Variants in AFF2 observed in about 807,000 individuals in gnomAD.
AFF2 encodes the protein ALF transcription elongation factor 2.
In AFF2, 14 loss-of-function variants were observed where a neutral mutation model predicts 76.9. The observed-to-expected ratio is 0.18, with a 90% confidence interval of 0.12 to 0.28. The LOEUF (loss-of-function observed/expected upper bound fraction) is 0.28, where lower values mean the gene tolerates loss of function less well. AFF2 is among the 10% of genes least tolerant of loss of function. AFF2 has a pLI of 1.00. For missense variants in AFF2, 868 were observed against 1,001.1 expected (o/e 0.87, Z 1.79); for synonymous variants, 398 against 366.7 (o/e 1.09, Z -0.98).
chrX:148,576,451 A>C (rs1366026895), intron 1 of AFF2, among the ~76,000 whole-genome samples: 1 of 111,894 alleles, frequency 8.9e-6, no homozygotes. Context: ...AATACTGCTT[A>C]ATGCTATCAG....
At chrX:148,875,528 G>T (rs1557277774) in intron 7 of AFF2, among the ~76,000 whole-genome samples, 2 of 111,706 alleles carry the variant, frequency 1.8e-5, no homozygotes, top group Non-Finnish European at 3.8e-5. Flanking sequence ...TCTACCCAAT[G>T]AATCAACATT....
At chrX:148,918,281 T>C (rs955405620) in intron 9 of AFF2, among the ~76,000 whole-genome samples, 12 of 112,741 alleles carry the variant, frequency 1.1e-4, no homozygotes, top group Non-Finnish European at 1.9e-4. Flanking sequence ...ATTCAAATTG[T>C]AGCTCTTAAC....
intron 8 of AFF2, among the ~76,000 whole-genome samples, chrX:148,890,227 T>C (rs1392760071): frequency 8.9e-6 from 1 of 112,007 alleles, no homozygotes; most frequent in African/African-American, 3.2e-5. Flanking sequence ...ATCCCAGGCC[T>C]CAAATACTAG....
chrX:148,738,816 G>A (rs2055316030), intron 3 of AFF2, among the ~76,000 whole-genome samples: 1 of 111,396 alleles, frequency 9.0e-6, no homozygotes, highest in Admixed American at 9.5e-5. Flanking sequence ...GATAGGTTGT[G>A]TCATTATTGT....
intron 8 of AFF2, among the ~76,000 whole-genome samples, chrX:148,891,114 G>A (rs2071218589): frequency 9.0e-6 from 1 of 111,353 alleles, no homozygotes; most frequent in Non-Finnish European, 1.9e-5. Flanking sequence ...AACACTTATT[G>A]AATTTCCATT....
At chrX:148,685,497 G>A (rs1404761948) in intron 3 of AFF2, among the ~76,000 whole-genome samples, 5 of 111,591 alleles carry the variant, frequency 4.5e-5, no homozygotes, top group Non-Finnish European at 9.4e-5. Context: ...ATAAAAACTT[G>A]AATTTTTGTT....
chrX:148,976,643 A>G (rs781908351), intron 16 of AFF2, among the ~76,000 whole-genome samples: 1 of 110,188 alleles, frequency 9.1e-6, no homozygotes, highest in African/African-American at 3.3e-5. Context: ...AATTTTTATT[A>G]CTCTCTCCCC....
intron 3 of AFF2, among the ~76,000 whole-genome samples, chrX:148,672,620 A>G (rs781843554): frequency 8.9e-6 from 1 of 112,428 alleles, no homozygotes; most frequent in East Asian, 2.8e-4. Context: ...TCTTAGGTTC[A>G]TATTTCGAAA....
chrX:148,973,625 A>C lies in AFF2; in HGVS notation c.3404+18A>C. 8.4e-7 allele frequency: 1 copy of C among 1,187,165 alleles called. No homozygotes were observed. Among genetic ancestry groups the C allele is most frequent in the Non-Finnish European group, 1.1e-6 (1 of 875,327 alleles). ...CTCCTCAGGTGAATAGCCTTTCTGC[A>C]ATCATCTTCCTACACTCATTTCAGC... On this transcript the variant is annotated intron_variant, in intron 16 of 20. Coordinates refer to ENST00000370460, the MANE Select transcript of AFF2 (RefSeq NM_002025.4).
chrX:148,576,787 G>A (rs1166108928), intron 1 of AFF2, among the ~76,000 whole-genome samples: 2 of 59,567 alleles, frequency 3.4e-5, no homozygotes, highest in Non-Finnish European at 5.5e-5. Flanking sequence ...TGGGGTGTGT[G>A]TGTGTATGTG....
At chrX:148,824,226 G>A (rs191274158) in intron 4 of AFF2, among the ~76,000 whole-genome samples, 209 of 111,224 alleles carry the variant, frequency 1.9e-3, no homozygotes, top group African/African-American at 6.6e-3. Context: ...TTCATTAAGG[G>A]GAGTTGCTTA....
intron 3 of AFF2, among the ~76,000 whole-genome samples, chrX:148,700,718 A>T (rs997932964): frequency 3.6e-5 from 4 of 110,741 alleles, no homozygotes; most frequent in African/African-American, 1.3e-4. Context: ...TGTAGACTCA[A>T]TTATTTTTCA....
intron 9 of AFF2, among the ~76,000 whole-genome samples, chrX:148,916,278 C>T (rs982118557): frequency 5.6e-5 from 5 of 89,014 alleles, no homozygotes; most frequent in Non-Finnish European, 6.2e-5. Flanking sequence ...GGCGCGATCT[C>T]GGCTCACTGC....
chrX:148,938,274 T>A (rs1398161898), intron 9 of AFF2, among the ~76,000 whole-genome samples: 2 of 112,176 alleles, frequency 1.8e-5, no homozygotes, highest in African/African-American at 3.2e-5. Flanking sequence ...AGCAAATGGC[T>A]AATCTTCGTT....
chrX:148,522,879 A>G (rs1255462806), intron 1 of AFF2, among the ~76,000 whole-genome samples: 1 of 112,856 alleles, frequency 8.9e-6, no homozygotes, highest in Non-Finnish European at 1.9e-5. Context: ...ATAACTTAGT[A>G]TAAAGATCTG....
At chrX:148,953,814 GACACAC>G (rs879970205) in intron 10 of AFF2, 75 bp downstream of exon 10, 24 of 619,458 alleles carry the variant, frequency 3.9e-5, no homozygotes, top group South Asian at 2.0e-4. Flanking sequence ...CACACACACA[GACACAC>G]ACACACACAC....
chrX:148,881,300 G>A (rs2071092722), intron 7 of AFF2, among the ~76,000 whole-genome samples: 1 of 111,874 alleles, frequency 8.9e-6, no homozygotes, highest in South Asian at 3.8e-4. Context: ...AGAGACAGAT[G>A]TGTGTTGGAA....
chrX:148,790,869 G>A (rs1212920320), intron 3 of AFF2, among the ~76,000 whole-genome samples: 3 of 111,748 alleles, frequency 2.7e-5, no homozygotes, highest in African/African-American at 6.5e-5. Context: ...GATTGAGGGA[G>A]CATTTTAAAG....
At chrX:148,584,284 T>C (rs1460226910) in intron 1 of AFF2, among the ~76,000 whole-genome samples, 1 of 111,275 alleles carries the variant, frequency 9.0e-6, no homozygotes, top group Non-Finnish European at 1.9e-5. Flanking sequence ...AATGTATTGG[T>C]CTCTTTACAA....
Sources: gnomAD v4.1 joint callset for allele counts (sites outside exome capture counted in the v4.1 genomes callset) on GRCh38, gnomAD v4.1.1 for gene constraint, MANE v1.5 for transcripts, NCBI Gene and HGNC (gene_info 2026-07-23, HGNC 2026-07-21) for gene names.